Variants in C1orf21 observed in about 807,000 individuals in gnomAD.
C1orf21 encodes uncharacterized protein C1orf21.
Under a neutral mutation model 18.7 loss-of-function variants are expected in C1orf21, and 3 were observed. The observed-to-expected ratio is 0.16, with a 90% CI of 0.07 to 0.42. The LOEUF (loss-of-function observed/expected upper bound fraction) is 0.42, where lower values mean the gene tolerates loss of function less well. Among genes scored for constraint, C1orf21 ranks in the 10% least tolerant of loss-of-function variants. The probability of loss-of-function intolerance (pLI) is 0.99; values close to 1 mark genes in which losing one functional copy is unlikely to be tolerated. For missense variants in C1orf21, 104 were observed against 143.6 expected (o/e 0.72, Z 1.41); for synonymous variants, 41 against 46.4 (o/e 0.88, Z 0.47).
chr1:184,391,230 C>T (rs974877791), intron 1 of C1orf21, among the ~76,000 whole-genome samples: 1 of 152,226 alleles, frequency 6.6e-6, no homozygotes, highest in Admixed American at 6.5e-5. Flanking sequence ...AACAGTGTCT[C>T]CAGTCACCAG....
intron 1 of C1orf21, among the ~76,000 whole-genome samples, chr1:184,438,836 A>C (rs1289854418): frequency 2.0e-5 from 3 of 152,160 alleles, no homozygotes; most frequent in African/African-American, 4.8e-5. Context: ...CTTCAGTGGG[A>C]GGTGACCACA....
intron 3 of C1orf21, among the ~76,000 whole-genome samples, chr1:184,572,369 A>G (rs1017547542): frequency 1.3e-5 from 2 of 152,206 alleles, no homozygotes; most frequent in African/African-American, 4.8e-5. Context: ...GAGAACATGC[A>G]TATAGGTAAA....
chr1:184,567,698 G>T, intron 3 of C1orf21: 1 of 365,458 alleles, frequency 2.7e-6, no homozygotes. Context: ...ATTTTTCCAG[G>T]GCTGCTAAAG....
At chr1:184,448,718 G>A (rs901034275) in intron 1 of C1orf21, among the ~76,000 whole-genome samples, 1 of 152,136 alleles carries the variant, frequency 6.6e-6, no homozygotes, top group Non-Finnish European at 1.5e-5. Context: ...GGAGACCACG[G>A]GGCTTCTTTT....
At chr1:184,407,445 A>G (rs142930977) in intron 1 of C1orf21, among the ~76,000 whole-genome samples, 482 of 152,366 alleles carry the variant, frequency 3.2e-3, no homozygotes, top group Non-Finnish European at 5.5e-3. Flanking sequence ...TGTAATGTGA[A>G]AAACTCAGAA....
intron 3 of C1orf21, among the ~76,000 whole-genome samples, chr1:184,564,941 A>G (rs1209604400): frequency 6.6e-6 from 1 of 152,198 alleles, no homozygotes. Flanking sequence ...CCACAGTAGA[A>G]AGGAAGGAGA....
At chr1:184,509,471 G>A (rs982581595) in intron 3 of C1orf21, among the ~76,000 whole-genome samples, 3 of 152,160 alleles carry the variant, frequency 2.0e-5, no homozygotes, top group Non-Finnish European at 1.5e-5. Flanking sequence ...AGGTTTGCAT[G>A]GTGAATGGGG....
rs571316899 is a variant in C1orf21 at position 184,611,413 on chromosome 1, C to T, written c.328-8105C>T. Among the ~76,000 whole-genome samples, 22 of 152,240 alleles carry T rather than the reference C, an allele frequency of 1.4e-4. 2 individuals carry two copies. The highest frequency in any genetic ancestry group is 4.3e-4 in the African/African-American group (18 of 41,556). On this transcript the variant is annotated intron_variant, in intron 5 of 5. Transcript: ENST00000235307. Reference sequence around the variant, plus strand: ...GAGGAGGGCCCTGCAGCCCTGCAGGCGGTGGTTTAAGCCCAGCAGCCCCTG... The same window carrying T: ...GAGGAGGGCCCTGCAGCCCTGCAGGTGGTGGTTTAAGCCCAGCAGCCCCTG...
chr1:184,615,168 C>T (rs1490274801), intron 5 of C1orf21, among the ~76,000 whole-genome samples: 1 of 152,154 alleles, frequency 6.6e-6, no homozygotes, highest in Non-Finnish European at 1.5e-5. Flanking sequence ...TACACTAGAA[C>T]CTTAGAAATG....
At position 184,393,595 on chromosome 1, in the gene C1orf21, A is replaced by G. The variant is rs1656005977; in HGVS notation, c.-125+6227A>G. Among the ~76,000 whole-genome samples the G allele has an allele frequency of 2.0e-5, 3 of 152,210 alleles. No homozygotes were observed. The South Asian group carries it at 6.2e-4, about 32-fold the overall frequency. On this transcript the variant is annotated intron_variant, in intron 1 of 5. Transcript: ENST00000235307. ...GTTGACTTTGTAAGGCTCTTAAGCC[A>G]TTTATTAGTAGGTGAGTACTTTGCT...
intron 3 of C1orf21, chr1:184,566,606 T>C: frequency 2.7e-6 from 1 of 375,416 alleles, no homozygotes; most frequent in South Asian, 2.6e-5. Flanking sequence ...TTCCCTGGTG[T>C]GCCATAAAAC....
chr1:184,581,562 A>G (rs1254781412), intron 3 of C1orf21, among the ~76,000 whole-genome samples: 1 of 152,176 alleles, frequency 6.6e-6, no homozygotes, highest in Non-Finnish European at 1.5e-5. Context: ...CTGTGTGTGT[A>G]TATAATACTT....
At position 184,621,881 on chromosome 1, in the gene C1orf21, G is replaced by A. The variant is rs1432491965; in HGVS notation, c.*2325G>A. 6.6e-6 allele frequency: 1 copy of A among 152,178 alleles called. No homozygotes were observed. Among genetic ancestry groups the A allele is most frequent in the Non-Finnish European group, 1.5e-5 (1 of 68,044 alleles). 9.4% of individuals were successfully genotyped at this position (152,178 alleles called of 1,614,324 possible). A position where few individuals can be genotyped will look rare whatever the true frequency, so the allele number is the denominator to read the frequency against. ...ATACATCTTTGATGTGCGAAAGTGA[G>A]TTCATCTTCAGACACATTTGGTACA... On this transcript the variant is annotated 3_prime_UTR_variant, in exon 6 of 6. Transcript: ENST00000235307.
intron 1 of C1orf21, among the ~76,000 whole-genome samples, chr1:184,430,378 C>T (rs1433567086): frequency 6.6e-6 from 1 of 152,160 alleles, no homozygotes; most frequent in Admixed American, 6.5e-5. Context: ...TGATTTCAAA[C>T]AGCACAGTTT....
At chr1:184,490,465 A>T (rs1471030042) in intron 2 of C1orf21, among the ~76,000 whole-genome samples, 1 of 152,228 alleles carries the variant, frequency 6.6e-6, no homozygotes, top group Non-Finnish European at 1.5e-5. Flanking sequence ...GTTTAGGCTG[A>T]GAGTCAGTGA....
chr1:184,580,361 G>C (rs1302933228), intron 3 of C1orf21, among the ~76,000 whole-genome samples: 1 of 152,132 alleles, frequency 6.6e-6, no homozygotes, highest in Non-Finnish European at 1.5e-5. Flanking sequence ...AGCTAATCTG[G>C]GTGCAACAGC....
chr1:184,596,931 C>A (rs1438594367), intron 4 of C1orf21, among the ~76,000 whole-genome samples: 1 of 151,492 alleles, frequency 6.6e-6, no homozygotes, highest in Non-Finnish European at 1.5e-5. Flanking sequence ...TGAGAGAGAT[C>A]CTCTATTATA....
chr1:184,591,809 G>GAA (rs914684201), intron 4 of C1orf21, among the ~76,000 whole-genome samples: 10 of 129,610 alleles, frequency 7.7e-5, no homozygotes, highest in African/African-American at 2.3e-4. Context: ...CCATCTCAAG[G>GAA]AAAAAAAAAA....
At chr1:184,549,992 A>G (rs1226152520) in intron 3 of C1orf21, among the ~76,000 whole-genome samples, 1 of 152,226 alleles carries the variant, frequency 6.6e-6, no homozygotes, top group Non-Finnish European at 1.5e-5. Flanking sequence ...ATTACCTGAG[A>G]TATCAGCACT....
Sources: allele counts gnomAD v4.1 joint callset (sites outside exome capture counted in the v4.1 genomes callset), GRCh38; gene constraint gnomAD v4.1.1; transcripts MANE v1.5; gene names NCBI Gene and HGNC (gene_info 2026-07-23, HGNC 2026-07-21).